Variants in FSTL5 observed in about 807,000 individuals in gnomAD.
FSTL5 encodes follistatin-related protein 5.
A neutral mutation model predicts 89.1 loss-of-function variants in FSTL5; 62 were observed. The ratio of observed to expected loss-of-function variants is 0.70; its 90% CI spans 0.57 to 0.86. The LOEUF is 0.86. Ranked by LOEUF, FSTL5 falls within the 40% of genes least tolerant of loss-of-function variation. The probability of loss-of-function intolerance (pLI) is 0.00; values close to 1 mark genes in which losing one functional copy is unlikely to be tolerated. For synonymous variants in FSTL5, 383 were observed against 346.2 expected (o/e 1.11, Z -1.18); for missense variants, 1,057 against 1,001.6 (o/e 1.06, Z -0.75).
Position 161,383,915 on chromosome 4 carries a change from A to C in FSTL5, c.*1832T>G, listed in dbSNP as rs1730519944. 1 of 152,174 alleles carries C rather than the reference A, an allele frequency of 6.6e-6. No individual in the cohort carries two copies. The allele number at this position is 152,174 out of a possible 1,614,324, so 9.4% of individuals were successfully genotyped here. A position where few individuals can be genotyped will look rare whatever the true frequency, so the allele number is the denominator to read the frequency against. On this transcript the variant is annotated 3_prime_UTR_variant, in exon 16 of 16. Transcript: ENST00000306100. ...TCAAGGGTTAAAATGTAAGAGGTTT[A>C]TTCTCCTTTTATCAAGCAGTGTCTA...
intron 6 of FSTL5, among the ~76,000 whole-genome samples, chr4:161,716,607 T>G (rs1738993991): frequency 6.6e-6 from 1 of 151,776 alleles, no homozygotes; most frequent in Non-Finnish European, 1.5e-5. Context: ...AAAAAATAAA[T>G]AAATAAAATA....
At chr4:161,882,041 TTCTATTTGATGA>T (rs1177646487) in intron 4 of FSTL5, among the ~76,000 whole-genome samples, 3 of 152,110 alleles carry the variant, frequency 2.0e-5, no homozygotes, top group Non-Finnish European at 4.4e-5. Context: ...TACTTAAGAT[TTCTATTTGATGA>T]GGCAGTTTAA....
chr4:161,784,530 A>G (rs1579090637), intron 4 of FSTL5, among the ~76,000 whole-genome samples: 1 of 152,108 alleles, frequency 6.6e-6, no homozygotes, highest in Non-Finnish European at 1.5e-5. Flanking sequence ...CTTCTCCACT[A>G]ATTTGTCACA....
chr4:162,030,055 C>G (rs763675263), intron 3 of FSTL5, among the ~76,000 whole-genome samples: 1 of 151,910 alleles, frequency 6.6e-6, no homozygotes, highest in Non-Finnish European at 1.5e-5. Flanking sequence ...TGCGCTACCA[C>G]GCCTGGCTAA....
At chr4:161,947,278 T>A (rs1734763521) in intron 3 of FSTL5, among the ~76,000 whole-genome samples, 2 of 151,698 alleles carry the variant, frequency 1.3e-5, no homozygotes, top group Non-Finnish European at 2.9e-5. Context: ...ATTTTTTTAT[T>A]GATGTTGCTT....
At chr4:162,060,814 GCAC>G (rs1475014084) in intron 2 of FSTL5, among the ~76,000 whole-genome samples, 2 of 151,748 alleles carry the variant, frequency 1.3e-5, no homozygotes, top group East Asian at 3.9e-4. Flanking sequence ...TCAACATATT[GCAC>G]CACACTTTGA....
chr4:162,038,301 A>G (rs1443121530), intron 2 of FSTL5, among the ~76,000 whole-genome samples: 1 of 151,922 alleles, frequency 6.6e-6, no homozygotes, highest in Non-Finnish European at 1.5e-5. Context: ...TTACATCAGC[A>G]TACTTCATGA....
chr4:161,538,435 G>C (rs779752809), intron 9 of FSTL5, 135 bp from the exon 10 acceptor site: 1 of 926,416 alleles, frequency 1.1e-6, no homozygotes, highest in Admixed American at 2.1e-5. Flanking sequence ...ATACTTTGAA[G>C]GCATGCCAAA....
intron 4 of FSTL5, among the ~76,000 whole-genome samples, chr4:161,776,435 A>G (rs1186861307): frequency 6.6e-6 from 1 of 151,476 alleles, no homozygotes; most frequent in African/African-American, 2.4e-5. Flanking sequence ...TGATAGTTTT[A>G]TAGGTGCAGA....
At chr4:161,576,304 A>C (rs1380382194) in intron 8 of FSTL5, among the ~76,000 whole-genome samples, 1 of 152,206 alleles carries the variant, frequency 6.6e-6, no homozygotes, top group Non-Finnish European at 1.5e-5. Context: ...TTCTTCACGG[A>C]ATTAGAAAAA....
At chr4:161,711,855 T>A (rs1180643442) in intron 6 of FSTL5, among the ~76,000 whole-genome samples, 1 of 152,136 alleles carries the variant, frequency 6.6e-6, no homozygotes, top group Non-Finnish European at 1.5e-5. Flanking sequence ...GTGTATCATA[T>A]CAATAGAACG....
Position 161,384,470 on chromosome 4 carries a change from A to C in FSTL5, c.*1277T>G, listed in dbSNP as rs935434316. The C allele has an allele frequency of 3.3e-5, 5 of 152,156 alleles. No homozygotes were observed. The highest frequency in any genetic ancestry group is 1.2e-4 in the African/African-American group (5 of 41,472). The allele number at this position is 152,156 out of a possible 1,614,324, so 9.4% of individuals were successfully genotyped here. Reference sequence around the variant, plus strand: ...CTGCTGGCCTTCTCATTTCCTCTTAAAACAAAACAGAAGCAACAATTTTTA... The same window carrying C: ...CTGCTGGCCTTCTCATTTCCTCTTACAACAAAACAGAAGCAACAATTTTTA... On this transcript the variant is annotated 3_prime_UTR_variant, in exon 16 of 16. Coordinates refer to ENST00000306100, the MANE Select transcript of FSTL5 (RefSeq NM_020116.5).
chr4:161,738,713 C>G (rs905298215), intron 6 of FSTL5, among the ~76,000 whole-genome samples: 1 of 152,086 alleles, frequency 6.6e-6, no homozygotes, highest in Admixed American at 6.5e-5. Flanking sequence ...TAATGCTTCA[C>G]ATACTTGGAA....
chr4:162,004,092 A>G (rs1263658829), intron 3 of FSTL5, among the ~76,000 whole-genome samples: 2 of 152,122 alleles, frequency 1.3e-5, no homozygotes, highest in Non-Finnish European at 2.9e-5. Flanking sequence ...TCTTTTCTTT[A>G]TAGAAATGAA....
At chr4:161,838,434 C>G (rs1731114584) in intron 4 of FSTL5, among the ~76,000 whole-genome samples, 1 of 152,052 alleles carries the variant, frequency 6.6e-6, no homozygotes, top group Non-Finnish European at 1.5e-5. Flanking sequence ...AGGCACCCAC[C>G]ACCGCGCCCG....
At chr4:161,585,920 C>T (rs895991370) in intron 8 of FSTL5, among the ~76,000 whole-genome samples, 37 of 152,190 alleles carry the variant, frequency 2.4e-4, no homozygotes, top group African/African-American at 8.0e-4. Context: ...ATCTCGCCTG[C>T]TTTCTTCCCT....
chr4:161,587,594 A>C lies in FSTL5; in HGVS notation c.895-19T>G. ...CAAAGTCCTATTAAAAATAAAATAA[A>C]ACAAGGTGTTTGCATTTTGAATTAA... On this transcript the variant is annotated intron_variant, in intron 7 of 15. Transcript: ENST00000306100. The C allele has an allele frequency of 6.4e-7, 1 of 1,572,862 alleles. No individual in the cohort carries two copies. The highest frequency in any genetic ancestry group is 1.8e-5 in the Admixed American group (1 of 54,288).
chr4:161,514,860 T>G (rs1233500328), intron 10 of FSTL5, among the ~76,000 whole-genome samples: 1 of 152,112 alleles, frequency 6.6e-6, no homozygotes, highest in East Asian at 1.9e-4. Flanking sequence ...ATCCAATTTC[T>G]ATATTTTTCT....
At position 161,814,317 on chromosome 4, in the gene FSTL5, A is replaced by G. The variant is rs967083610; in HGVS notation, c.410-38243T>C. ...AAGTTAGTATAAATAAATTTCTTCA[A>G]CTAAATTACAGCCAAGATTATTCTC... On this transcript the variant is annotated intron_variant, in intron 4 of 15. Coordinates refer to ENST00000306100, the MANE Select transcript of FSTL5 (RefSeq NM_020116.5). 2.0e-5 allele frequency among the ~76,000 whole-genome samples: 3 copies of G among 152,162 alleles called. No homozygotes were observed. In the East Asian group the frequency reaches 5.8e-4, roughly 29 times the overall value.
Sources: gnomAD v4.1 joint callset for allele counts (sites outside exome capture counted in the v4.1 genomes callset) on GRCh38, gnomAD v4.1.1 for gene constraint, MANE v1.5 for transcripts, NCBI Gene and HGNC (gene_info 2026-07-23, HGNC 2026-07-21) for gene names.